The following PRR12 variants were observed in gnomAD, a reference collection of about 807,000 sequenced individuals.
PRR12 encodes the protein proline rich 12, also known as proline-rich protein 12.
PRR12 carries 12 observed loss-of-function variants against 138.0 expected under a neutral mutation model. That is an observed-to-expected ratio of 0.09 (90% CI 0.06 to 0.14). PRR12 has a LOEUF of 0.14. PRR12 is among the 10% of genes least tolerant of loss of function. PRR12 has a pLI of 1.00. For synonymous variants in PRR12, 1,567 were observed against 1,291.7 expected, an observed-to-expected ratio of 1.21 and a Z score of -4.57; for missense variants, 2,692 against 2,861.3, an observed-to-expected ratio of 0.94 and a Z score of 1.35.
Position 49,596,150 on chromosome 19 carries a change from TG to T in PRR12, c.1817del (p.Gly606AlafsTer120). On this transcript the variant is annotated frameshift_variant, in exon 4 of 14. Transcript: ENST00000418929. LOFTEE classifies it high-confidence loss of function. The surrounding 1 kb of genome is among the most constrained non-coding windows in gnomAD (Gnocchi z 5.6). Reference protein sequence around the residue: ...SAPFLAPPGAGSYAAGAGGYK... With the variant: ...SAPFLAPPGAXSYAAGAGGYK... Reference sequence around the variant, plus strand: ...CGCCTTTCCTGGCACCTCCGGGAGCTGGCAGCTATGCAGCCGGAGCAGGTGG... The same window carrying T: ...CGCCTTTCCTGGCACCTCCGGGAGCTGCAGCTATGCAGCCGGAGCAGGTGG... 6.2e-7 allele frequency: 1 copy of T among 1,607,370 alleles called. No individual in the cohort carries two copies.
intron 6 of PRR12, among the ~76,000 whole-genome samples, chr19:49,603,448 C>G (rs548756950): frequency 3.3e-5 from 5 of 152,180 alleles, no homozygotes. Context: ...CCCAGCACTT[C>G]GGGAGGCCAA....
chr19:49,620,612 C>G, intron 10 of PRR12, 135 bp downstream of exon 10: 2 of 1,301,944 alleles, frequency 1.5e-6, no homozygotes, highest in Non-Finnish European at 2.1e-6. Flanking sequence ...GGAGCTGAGG[C>G]CTGGACCTGG....
rs2080914840 is a variant in PRR12, at chr19:49,620,227, GC to G, written c.5498-124del. ...GGCGCTTGCCTGTCAATCTTCCCTA[GC>G]GGACTTGGACCTCCCAAAAGCAGGG... On this transcript the variant is annotated intron_variant, in intron 9 of 13. Transcript: ENST00000418929. 3 of 1,304,192 alleles carry G rather than the reference GC, an allele frequency of 2.3e-6. No homozygotes were observed. In the Admixed American group the frequency reaches 6.4e-5, roughly 28 times the overall value. The allele number at this position is 1,304,192 out of a possible 1,614,324, so 80.8% of individuals were successfully genotyped here. A position where few individuals can be genotyped will look rare whatever the true frequency, so the allele number is the denominator to read the frequency against.
Position 49,594,920 on chromosome 19 carries a change from G to C in PRR12, c.585G>C (p.Gln195His), listed in dbSNP as rs1359018323. 6.2e-7 allele frequency: 1 copy of C among 1,607,428 alleles called. No homozygotes were observed. The highest frequency in any genetic ancestry group is 1.3e-5 in the African/African-American group (1 of 74,822). The change falls in exon 4 of 14, where the codon CAG (glutamine) becomes CAC (histidine). Residue 195 changes from glutamine to histidine, a missense_variant. Physicochemically the swap from Gln to His is conservative, Grantham distance 24. Around this residue, in one of 11 missense-constraint regions of PRR12, gnomAD observed 523 missense variants for 496.4 expected, o/e 1.05. Coordinates refer to ENST00000418929, the MANE Select transcript of PRR12 (RefSeq NM_020719.3). This position sits in a 1 kb window ranked among gnomAD's most constrained non-coding sequence, Gnocchi z 5.6. ...ACGTGCTGCACCTGAAGCCCTCGCA[G>C]GCACCCACGGTGCCCTCTTCACTGG... Reference protein sequence around the residue: ...PHDVLHLKPSQAPTVPSSLGF... With the variant: ...PHDVLHLKPSHAPTVPSSLGF...
Position 49,616,196 on chromosome 19 carries a change from C to G in PRR12, c.5474C>G (p.Ser1825Cys). The stretch of plus-strand genomic sequence containing the variant: ...GGCAGCTCCTCGGACTCGGAGTCCT[C>G]CCCTGGAGCCCCCAGCGAGGACGGT... ...PPGSSSDSES[S>C]PGAPSEDERA... The change falls in exon 9 of 14, where the codon TCC (serine) becomes TGC (cysteine). Residue 1825 changes from serine to cysteine, a missense_variant. By Grantham distance (112) the Ser-to-Cys change is moderately radical (BLOSUM62 -1). Around this residue, in one of 11 missense-constraint regions of PRR12, gnomAD observed 259 missense variants for 265.1 expected, o/e 0.98. Transcript: ENST00000418929. The surrounding 1 kb of genome is among the most constrained non-coding windows in gnomAD (Gnocchi z 4.2). 1 of 1,541,648 alleles carries G rather than the reference C, an allele frequency of 6.5e-7. No homozygotes were observed. Among genetic ancestry groups the G allele is most frequent in the Non-Finnish European group, 8.8e-7 (1 of 1,142,726 alleles).
Position 49,599,629 on chromosome 19 carries a change from G to T in PRR12, c.4036G>T (p.Ala1346Ser), listed in dbSNP as rs1310558392. 1 of 1,605,676 alleles carries T rather than the reference G, an allele frequency of 6.2e-7. No homozygotes were observed. The highest frequency in any genetic ancestry group is 8.5e-7 in the Non-Finnish European group (1 of 1,174,498). Reference protein sequence around the residue: ...PPSGAFGLGGALEAAESEGLG... With the variant: ...PPSGAFGLGGSLEAAESEGLG... ...TTCCGGAGCCTTTGGGCTTGGGGGC[G>T]CCCTGGAGGCTGCAGAGAGTGAGGG... is the stretch of plus-strand genomic sequence containing the variant. Residue 1346 changes from alanine to serine, a missense_variant, in exon 5 of 14, where the codon GCC becomes TCC. Transcript: ENST00000418929. The surrounding 1 kb of genome is among the most constrained non-coding windows in gnomAD (Gnocchi z 5.0).
chr19:49,626,426 C>G lies in PRR12; in HGVS notation c.*819C>G, dbSNP rs116928995. On this transcript the variant is annotated 3_prime_UTR_variant, in exon 14 of 14. Transcript: ENST00000418929. ...CACAACCAGCCAAACGAAAACCCAA[C>G]GGCAAACACTTTACCGGCAGGCTGG... 6.6e-6 allele frequency: 1 copy of G among 152,246 alleles called. No individual in the cohort carries two copies. The highest frequency in any genetic ancestry group is 1.5e-5 in the Non-Finnish European group (1 of 68,114). 9.4% of individuals were successfully genotyped at this position (152,246 alleles called of 1,614,324 possible).
Position 49,595,199 on chromosome 19 carries a change from C to A in PRR12, c.864C>A (p.Val288=). ...GGGCCCTGCCACGCCAGGACACGGT[C>A]ATCAAGCACTACCAGCGGCCAGCCA... is the stretch of plus-strand genomic sequence containing the variant. The part of the protein sequence containing the change: ...PERALPRQDT[V]IKHYQRPASA... The change falls in exon 4 of 14, where the codon GTC becomes GTA. Residue 288 remains valine, a synonymous_variant. Coordinates refer to ENST00000418929, the MANE Select transcript of PRR12 (RefSeq NM_020719.3). 6.2e-7 allele frequency: 1 copy of A among 1,600,544 alleles called. No individual in the cohort carries two copies. The highest frequency in any genetic ancestry group is 2.3e-5 in the East Asian group (1 of 44,078).
chr19:49,592,479 G>C (rs942391383), intron 1 of PRR12, among the ~76,000 whole-genome samples: 2 of 152,110 alleles, frequency 1.3e-5, no homozygotes, highest in African/African-American at 4.8e-5. Context: ...TGCGTGCGTG[G>C]CTGGCAGCGT....
At chr19:49,603,438 C>G (rs999814907) in intron 6 of PRR12, among the ~76,000 whole-genome samples, 1 of 152,228 alleles carries the variant, frequency 6.6e-6, no homozygotes, top group Non-Finnish European at 1.5e-5. Flanking sequence ...CGCCTGTAAT[C>G]CCAGCACTTC....
chr19:49,624,209 A>G (rs1054229696), intron 11 of PRR12, among the ~76,000 whole-genome samples: 1 of 132,412 alleles, frequency 7.6e-6, no homozygotes, highest in South Asian at 2.6e-4. Context: ...GGTGGTTAGG[A>G]TGAGACTGAG....
In PRR12 at chr19:49,597,963, A is replaced by G; in HGVS notation, c.3628A>G (p.Lys1210Glu). ...PRGRGRGRGRKAEEAGGTRLE... is the reference protein window; with the variant it reads ...PRGRGRGRGREAEEAGGTRLE... ...GGGCCGGGGCCGAGGCCGGGGTCGA[A>G]AGGCTGAGGAGGCAGGGGGCACCCG... The change falls in exon 4 of 14, where the codon AAG becomes GAG. Residue 1210 changes from lysine (K) to glutamate (E), a missense_variant. Transcript: ENST00000418929. This position sits in a 1 kb window ranked among gnomAD's most constrained non-coding sequence, Gnocchi z 6.3. The G allele has an allele frequency of 7.1e-7, 1 of 1,399,184 alleles. No homozygotes were observed. Among genetic ancestry groups the G allele is most frequent in the Non-Finnish European group, 9.3e-7 (1 of 1,079,992 alleles). The allele number at this position is 1,399,184 out of a possible 1,614,324, so 86.7% of individuals were successfully genotyped here.
At chr19:49,602,112 G>T (rs2080815538) in intron 6 of PRR12, among the ~76,000 whole-genome samples, 194 bp downstream of exon 6, 1 of 152,194 alleles carries the variant, frequency 6.6e-6, no homozygotes, top group Non-Finnish European at 1.5e-5. Context: ...TTGCGTTTGT[G>T]TCTGTACATG....
chr19:49,595,455 G>T lies in PRR12; in HGVS notation c.1120G>T (p.Gly374Trp). ...GPEAAGGGGA[G>W]GGGGGYRPII... is the part of the protein sequence containing the mutation. ...TGAGGCAGCAGGGGGCGGTGGGGCT[G>T]GGGGTGGTGGTGGAGGTTACCGCCC... The change falls in exon 4 of 14, where the codon GGG (glycine) becomes TGG (tryptophan). Residue 374 changes from glycine to tryptophan, a missense_variant. By Grantham distance (184) the Gly-to-Trp change is radical. Coordinates refer to ENST00000418929, the MANE Select transcript of PRR12 (RefSeq NM_020719.3). 7.7e-6 allele frequency: 12 copies of T among 1,548,908 alleles called. No individual in the cohort carries two copies. The highest frequency in any genetic ancestry group is 1.0e-5 in the Non-Finnish European group (12 of 1,147,200).
Position 49,597,884 on chromosome 19 carries a change from C to G in PRR12, c.3549C>G (p.Thr1183=), listed in dbSNP as rs2080785407. 7.0e-7 allele frequency: 1 copy of G among 1,434,526 alleles called. No homozygotes were observed. Among genetic ancestry groups the G allele is most frequent in the African/African-American group, 1.5e-5 (1 of 67,838 alleles). The allele number at this position is 1,434,526 out of a possible 1,614,324, so 88.9% of individuals were successfully genotyped here. A position where few individuals can be genotyped will look rare whatever the true frequency, so the allele number is the denominator to read the frequency against. Residue 1183 remains threonine, a synonymous_variant, in exon 4 of 14, where the codon ACC becomes ACG. Coordinates refer to ENST00000418929, the MANE Select transcript of PRR12 (RefSeq NM_020719.3). The surrounding 1 kb of genome is among the most constrained non-coding windows in gnomAD (Gnocchi z 6.3). ...RPRIRPLEVP[T]TAGPASASTP... ...GGATCCGCCCCCTGGAGGTCCCGAC[C>G]ACTGCGGGGCCCGCCTCGGCCTCCA...
rs2080761344 is a variant in PRR12, at chr19:49,595,553, C to T, written c.1218C>T (p.Pro406=). 1.3e-6 allele frequency: 2 copies of T among 1,585,380 alleles called. No homozygotes were observed. Among genetic ancestry groups the T allele is most frequent in the East Asian group, 2.3e-5 (1 of 43,340 alleles). ...YGAAAGGATR[P]PPPRSTATPK... ...CAGCTGCCGGGGGTGCCACCAGGCC[C>T]CCCCCACCCCGTTCGACCGCCACCC... The change falls in exon 4 of 14, where the codon CCC becomes CCT. Residue 406 remains proline (P), a synonymous_variant. Coordinates refer to ENST00000418929, the MANE Select transcript of PRR12 (RefSeq NM_020719.3).
chr19:49,597,169 G>C lies in PRR12; in HGVS notation c.2834G>C (p.Ser945Thr). The C allele has an allele frequency of 6.4e-7, 1 of 1,553,096 alleles. No homozygotes were observed. The highest frequency in any genetic ancestry group is 8.7e-7 in the Non-Finnish European group (1 of 1,148,386). Residue 945 changes from serine to threonine, a missense_variant, in exon 4 of 14, where the codon AGC becomes ACC. By Grantham distance (58) the Ser-to-Thr change is moderately conservative (BLOSUM62 1). Transcript: ENST00000418929. The surrounding 1 kb of genome is among the most constrained non-coding windows in gnomAD (Gnocchi z 6.3). Reference sequence around the variant, plus strand: ...TCCTTGCTCCAAGACGAGGAGCGCAGCTTCTTCCCCACCATGGAGGAGATG... The same window carrying C: ...TCCTTGCTCCAAGACGAGGAGCGCACCTTCTTCCCCACCATGGAGGAGATG... ...PDSLLQDEERSFFPTMEEMFG... is the reference protein window; with the variant it reads ...PDSLLQDEERTFFPTMEEMFG...
At chr19:49,622,597 G>GA (rs11450298) in intron 11 of PRR12, among the ~76,000 whole-genome samples, 60,580 of 133,678 alleles carry the variant, frequency 0.45, 14,262 homozygotes, top group African/African-American at 0.68. Flanking sequence ...CTCCAAAAAA[G>GA]AAAAAAAAAA....
intron 6 of PRR12, among the ~76,000 whole-genome samples, chr19:49,604,467 C>T (rs1457592537): frequency 6.6e-6 from 1 of 151,932 alleles, no homozygotes; most frequent in Admixed American, 6.6e-5. Flanking sequence ...CACCTGAGGT[C>T]AAGAGTTCAA....
Sources: allele counts gnomAD v4.1 joint callset (sites outside exome capture counted in the v4.1 genomes callset), GRCh38; gene constraint gnomAD v4.1.1; regional missense constraint gnomAD v4.1.1; non-coding constraint Gnocchi (gnomAD v3.1); transcripts MANE v1.5; gene names NCBI Gene and HGNC (gene_info 2026-07-23, HGNC 2026-07-21).